ZNF678: variants seen among roughly 807,000 people sequenced by gnomAD.
The protein encoded by ZNF678 is zinc finger protein 678.
In ZNF678, 5 loss-of-function variants were observed where a neutral mutation model predicts 3.0. The ratio of observed to expected loss-of-function variants is 1.69; its 90% CI spans 0.88 to 3.56. The LOEUF (loss-of-function observed/expected upper bound fraction) is 3.56, where lower values mean the gene tolerates loss of function less well. ZNF678 is among the 30% of genes most tolerant of loss of function. The pLI, the probability that ZNF678 is intolerant of heterozygous loss-of-function variation, is 0.00. For missense variants in ZNF678, 593 were observed against 605.0 expected (o/e 0.98, Z 0.21); for synonymous variants, 218 against 199.6 (o/e 1.09, Z -0.78).
intron 1 of ZNF678, among the ~76,000 whole-genome samples, chr1:227,573,353 T>C (rs1182340676): frequency 1.3e-5 from 2 of 152,244 alleles, no homozygotes; most frequent in African/African-American, 2.4e-5. Flanking sequence ...ACTATTATTA[T>C]ATTGGGAAGA....
At chr1:227,650,538 A>G (rs1659065360) in intron 2 of ZNF678, among the ~76,000 whole-genome samples, 1 of 152,140 alleles carries the variant, frequency 6.6e-6, no homozygotes, top group Non-Finnish European at 1.5e-5. Flanking sequence ...TGGAATTTTG[A>G]TAGGAAGTTT....
chr1:227,670,424 A>G (rs1659580002), intron 5 of ZNF678, among the ~76,000 whole-genome samples: 1 of 152,192 alleles, frequency 6.6e-6, no homozygotes, highest in Admixed American at 6.5e-5. Flanking sequence ...TTTGGCCTCC[A>G]TTGTATTGGA....
At chr1:227,629,329 C>G (rs1191694686) in intron 1 of ZNF678, among the ~76,000 whole-genome samples, 3 of 152,214 alleles carry the variant, frequency 2.0e-5, no homozygotes, top group Non-Finnish European at 4.4e-5. Context: ...TAGGGGACAA[C>G]AAATGGGTGT....
chr1:227,566,544 G>A (rs927029865), intron 1 of ZNF678, among the ~76,000 whole-genome samples: 3 of 152,228 alleles, frequency 2.0e-5, no homozygotes, highest in Non-Finnish European at 4.4e-5. Flanking sequence ...AGCAGAATGA[G>A]GGGTGGGAGA....
chr1:227,648,131 A>G (rs1200718583), intron 2 of ZNF678, among the ~76,000 whole-genome samples: 1 of 152,224 alleles, frequency 6.6e-6, no homozygotes, highest in Non-Finnish European at 1.5e-5. Flanking sequence ...CATTGTTACA[A>G]TATCAACAGT....
chr1:227,644,487 C>A (rs1008210631), intron 1 of ZNF678, among the ~76,000 whole-genome samples: 13 of 152,096 alleles, frequency 8.5e-5, no homozygotes, highest in Admixed American at 8.5e-4. Context: ...GATTGGTGGT[C>A]TTCACTTTGG....
At chr1:227,607,136 CTTTA>C (rs954853963) in intron 1 of ZNF678, among the ~76,000 whole-genome samples, 4 of 152,160 alleles carry the variant, frequency 2.6e-5, no homozygotes, top group African/African-American at 9.7e-5. Context: ...GATTTAATCT[CTTTA>C]TTTATTAGAA....
intron 1 of ZNF678, among the ~76,000 whole-genome samples, chr1:227,594,908 A>G (rs916612581): frequency 6.6e-6 from 1 of 152,102 alleles, no homozygotes; most frequent in African/African-American, 2.4e-5. Flanking sequence ...GTTTCCTCTA[A>G]AAGTTATTTT....
At chr1:227,644,305 G>A (rs1658902974) in intron 1 of ZNF678, among the ~76,000 whole-genome samples, 1 of 152,224 alleles carries the variant, frequency 6.6e-6, no homozygotes, top group East Asian at 1.9e-4. Context: ...CACATAATGT[G>A]AGGTTCCCTG....
At chr1:227,608,597 G>C (rs1207786727) in intron 1 of ZNF678, among the ~76,000 whole-genome samples, 1 of 152,084 alleles carries the variant, frequency 6.6e-6, no homozygotes, top group Non-Finnish European at 1.5e-5. Context: ...TAAGAAACTT[G>C]AGATTTCTCA....
Position 227,659,641 on chromosome 1 carries a change from AC to A in ZNF678, c.*3814del, listed in dbSNP as rs1470284101. On this transcript the variant is annotated 3_prime_UTR_variant, in exon 4 of 4. Transcript: ENST00000343776. ...GTAGACATTTTTAAAAATCATAAAAACTGTATTTTCTATATAGTTCAGCTAA... is the reference window on the plus strand; with the variant it reads ...GTAGACATTTTTAAAAATCATAAAAATGTATTTTCTATATAGTTCAGCTAA... The A allele has an allele frequency of 7.0e-6, 1 of 142,754 alleles. No individual in the cohort carries two copies. The highest frequency in any genetic ancestry group is 1.5e-5 in the Non-Finnish European group (1 of 65,150). The allele number at this position is 142,754 out of a possible 1,614,324, so 8.8% of individuals were successfully genotyped here. A position where few individuals can be genotyped will look rare whatever the true frequency, so the allele number is the denominator to read the frequency against.
intron 5 of ZNF678, among the ~76,000 whole-genome samples, chr1:227,674,630 T>G (rs1440913110): frequency 6.6e-6 from 1 of 151,424 alleles, no homozygotes; most frequent in South Asian, 2.1e-4. Context: ...GAGGCAGAGT[T>G]TAACTCTTGT....
intron 3 of ZNF678, among the ~76,000 whole-genome samples, chr1:227,652,320 G>A (rs556859549): frequency 1.3e-5 from 2 of 152,122 alleles, no homozygotes; most frequent in South Asian, 4.2e-4. Flanking sequence ...TCTTCCTGCC[G>A]CTTTGTCTAT....
Position 227,563,676 on chromosome 1 carries a change from TGG to T in ZNF678, c.-210_-209del, listed in dbSNP as rs765017860. On this transcript the variant is annotated 5_prime_UTR_variant, in exon 1 of 4. Coordinates refer to ENST00000343776, the MANE Select transcript of ZNF678 (RefSeq NM_001367909.1). ...TGGTTTCCCTGTGACCTGCAGGTAC[TGG>T]GAGTTACATAGCTAAGATGCCAGGA... 1.1e-5 allele frequency: 14 copies of T among 1,330,492 alleles called. No homozygotes were observed. Among genetic ancestry groups the T allele is most frequent in the Non-Finnish European group, 1.3e-5 (13 of 1,001,954 alleles). 82.4% of individuals were successfully genotyped at this position (1,330,492 alleles called of 1,614,324 possible).
intron 1 of ZNF678, among the ~76,000 whole-genome samples, chr1:227,591,806 C>G (rs905906051): frequency 2.0e-5 from 3 of 152,194 alleles, no homozygotes; most frequent in African/African-American, 7.2e-5. Flanking sequence ...GCAACCTTTT[C>G]TCCTACCTCA....
At chr1:227,612,909 T>A (rs564056948) in intron 1 of ZNF678, among the ~76,000 whole-genome samples, 5 of 152,168 alleles carry the variant, frequency 3.3e-5, no homozygotes, top group Non-Finnish European at 7.4e-5. Flanking sequence ...CCCAAAAACA[T>A]CATCAGTGTC....
intron 1 of ZNF678, among the ~76,000 whole-genome samples, chr1:227,629,703 G>C (rs1474429942): frequency 6.6e-6 from 1 of 152,252 alleles, no homozygotes; most frequent in African/African-American, 2.4e-5. Context: ...GGATCATCTG[G>C]TTAGTGGCTT....
At chr1:227,625,785 G>GT (rs1413727666) in intron 1 of ZNF678, among the ~76,000 whole-genome samples, 14 of 152,122 alleles carry the variant, frequency 9.2e-5, no homozygotes, top group African/African-American at 3.1e-4. Context: ...TCCTTTACGT[G>GT]TTTTTCTCTT....
intron 3 of ZNF678, 143 bp downstream of exon 3, chr1:227,651,219 G>A (rs1239743203): frequency 5.6e-6 from 5 of 885,112 alleles, no homozygotes; most frequent in Admixed American, 5.8e-5. Context: ...CCAGGGGCTT[G>A]TGTGCTTGTG....
Sources: allele counts gnomAD v4.1 joint callset (sites outside exome capture counted in the v4.1 genomes callset), GRCh38; gene constraint gnomAD v4.1.1; transcripts MANE v1.5; gene names NCBI Gene and HGNC (gene_info 2026-07-23, HGNC 2026-07-21).